ATG7: variants seen among roughly 807,000 people sequenced by gnomAD.
ATG7 encodes autophagy related 7.
A neutral mutation model predicts 82.4 loss-of-function variants in ATG7; 70 were observed. The ratio of observed to expected loss-of-function variants is 0.85; its 90% CI spans 0.70 to 1.04. The LOEUF (loss-of-function observed/expected upper bound fraction) is 1.04. Ranked by LOEUF, ATG7 falls within the 50% of genes least tolerant of loss-of-function variation. The pLI, the probability that ATG7 is intolerant of heterozygous loss-of-function variation, is 0.00. For synonymous variants in ATG7, 287 were observed against 313.0 expected (o/e 0.92, Z 0.88); for missense variants, 792 against 864.3 (o/e 0.92, Z 1.05).
intron 20 of ATG7, among the ~76,000 whole-genome samples, chr3:11,520,839 C>A (rs972968802): frequency 6.6e-6 from 1 of 152,174 alleles, no homozygotes; most frequent in African/African-American, 2.4e-5. Context: ...TTAGTAGGAG[C>A]CACCCCACAC....
intron 5 of ATG7, among the ~76,000 whole-genome samples, chr3:11,300,661 T>C (rs1201077882): frequency 6.6e-6 from 1 of 152,156 alleles, no homozygotes; most frequent in African/African-American, 2.4e-5. Context: ...GTCTCCAACT[T>C]ATGGTGGTTT....
chr3:11,336,650 G>A (rs574717082), intron 11 of ATG7, among the ~76,000 whole-genome samples: 1 of 152,190 alleles, frequency 6.6e-6, no homozygotes, highest in South Asian at 2.1e-4. Context: ...GGTATAAGGA[G>A]TATTATTTTA....
At chr3:11,390,450 A>G (rs1386018051) in intron 19 of ATG7, among the ~76,000 whole-genome samples, 1 of 152,248 alleles carries the variant, frequency 6.6e-6, no homozygotes, top group Admixed American at 6.5e-5. Flanking sequence ...CGCTGAAAGT[A>G]TACCTGGAAA....
At chr3:11,458,467 G>C (rs1185032538) in intron 20 of ATG7, among the ~76,000 whole-genome samples, 3 of 152,078 alleles carry the variant, frequency 2.0e-5, no homozygotes, top group Non-Finnish European at 4.4e-5. Flanking sequence ...GTTTCACCGT[G>C]TTAGCCAGGA....
chr3:11,318,437 T>C (rs1575414120), intron 9 of ATG7, among the ~76,000 whole-genome samples: 1 of 152,258 alleles, frequency 6.6e-6, no homozygotes, highest in Admixed American at 6.5e-5. Flanking sequence ...TGGTCTTCTA[T>C]GCCTTATCTT....
intron 20 of ATG7, among the ~76,000 whole-genome samples, chr3:11,542,670 A>G (rs1156748795): frequency 6.6e-6 from 1 of 151,900 alleles, no homozygotes; most frequent in Non-Finnish European, 1.5e-5. Flanking sequence ...GCTGCTCTCA[A>G]CCACCCTCTG....
At chr3:11,566,636 C>G in the ATG7 span, among the ~76,000 whole-genome samples, 1 of 152,182 alleles carries the variant, frequency 6.6e-6, no homozygotes. Context: ...GATGCGGCCA[C>G]TCTCTGCCTC....
chr3:11,411,609 A>C (rs1177996323), intron 19 of ATG7, among the ~76,000 whole-genome samples: 1 of 102,284 alleles, frequency 9.8e-6, no homozygotes, highest in African/African-American at 3.6e-5. Context: ...ACACAGCAAG[A>C]CTCTGTCTCC....
At chr3:11,448,697 A>C (rs1429479213) in intron 20 of ATG7, among the ~76,000 whole-genome samples, 2 of 152,202 alleles carry the variant, frequency 1.3e-5, no homozygotes, top group African/African-American at 2.4e-5. Flanking sequence ...TGTAGATTTC[A>C]ATAAACACCA....
intron 19 of ATG7, among the ~76,000 whole-genome samples, chr3:11,391,187 A>G (rs1358436442): frequency 1.3e-5 from 2 of 152,350 alleles, no homozygotes; most frequent in East Asian, 3.9e-4. Context: ...AAGGAGGGGA[A>G]CAAAAAAGGG....
intron 20 of ATG7, among the ~76,000 whole-genome samples, chr3:11,510,662 G>A (rs2153075332): frequency 6.6e-6 from 1 of 152,292 alleles, no homozygotes; most frequent in Non-Finnish European, 1.5e-5. Context: ...TCTTCCCAGG[G>A]CTTCATGCTG....
At chr3:11,431,482 ACT>A (rs766524973) in intron 20 of ATG7, among the ~76,000 whole-genome samples, 2 of 151,904 alleles carry the variant, frequency 1.3e-5, no homozygotes, top group African/African-American at 4.8e-5. Flanking sequence ...AACCATTACC[ACT>A]CTCTGTTTAG....
At chr3:11,310,177 A>G (rs1180397728) in intron 7 of ATG7, among the ~76,000 whole-genome samples, 1 of 152,110 alleles carries the variant, frequency 6.6e-6, no homozygotes, top group African/African-American at 2.4e-5. Context: ...AAAAAAAAAA[A>G]TACTGTGGTA....
At chr3:11,520,741 C>T (rs17034586) in intron 20 of ATG7, among the ~76,000 whole-genome samples, 4,384 of 152,276 alleles carry the variant, frequency 0.029, 95 homozygotes, top group Middle Eastern at 0.044. Context: ...TGGGCCTTGG[C>T]TTGTCAGTAA....
chr3:11,469,496 A>AT (rs2087204103), intron 20 of ATG7, among the ~76,000 whole-genome samples: 1 of 152,042 alleles, frequency 6.6e-6, no homozygotes, highest in Non-Finnish European at 1.5e-5. Flanking sequence ...AAACCTACCT[A>AT]TTAGTCCACT....
At chr3:11,364,455 A>C (rs2076469412) in intron 17 of ATG7, among the ~76,000 whole-genome samples, 1 of 152,222 alleles carries the variant, frequency 6.6e-6, no homozygotes, top group African/African-American at 2.4e-5. Context: ...TCACAAGCTC[A>C]GGTCTTTCTG....
chr3:11,417,350 G>A (rs1241989782), intron 19 of ATG7, among the ~76,000 whole-genome samples: 1 of 152,116 alleles, frequency 6.6e-6, no homozygotes, highest in Non-Finnish European at 1.5e-5. Flanking sequence ...GTATTTTGAT[G>A]CACTGTTGTT....
chr3:11,572,394 G>C, the ATG7 span, among the ~76,000 whole-genome samples: 4 of 152,144 alleles, frequency 2.6e-5, no homozygotes, highest in Non-Finnish European at 5.9e-5. Flanking sequence ...AAAATACAAA[G>C]ACTCGTGTAC....
At chr3:11,511,592 G>A (rs1259188571) in intron 20 of ATG7, among the ~76,000 whole-genome samples, 5 of 152,334 alleles carry the variant, frequency 3.3e-5, no homozygotes, top group African/African-American at 7.2e-5. Context: ...CGTACTGTGC[G>A]CTCACACTCC....
Sources: gnomAD v4.1 joint callset for allele counts (sites outside exome capture counted in the v4.1 genomes callset) on GRCh38, gnomAD v4.1.1 for gene constraint, MANE v1.5 for transcripts, NCBI Gene and HGNC (gene_info 2026-07-23, HGNC 2026-07-21) for gene names.